The following A1CF variants were observed in gnomAD, a reference collection of about 807,000 sequenced individuals.
The protein encoded by A1CF is APOBEC-1 stimulating protein.
A1CF carries 48 observed loss-of-function variants against 68.9 expected under a neutral mutation model. The observed-to-expected ratio is 0.70, with a 90% CI of 0.55 to 0.89. The LOEUF is 0.89. Ranked by LOEUF, A1CF falls within the 40% of genes least tolerant of loss-of-function variation. The probability of loss-of-function intolerance (pLI) is 0.00; values close to 1 mark genes in which losing one functional copy is unlikely to be tolerated. For synonymous variants in A1CF, 272 were observed against 260.4 expected (o/e 1.04, Z -0.43); for missense variants, 653 against 718.9 (o/e 0.91, Z 1.05).
At chr10:50,810,276 A>C (rs1404050951) in intron 11 of A1CF, among the ~76,000 whole-genome samples, 1 of 152,246 alleles carries the variant, frequency 6.6e-6, no homozygotes, top group Non-Finnish European at 1.5e-5. Flanking sequence ...GTAATTCACT[A>C]CATGGCTTTT....
At chr10:50,861,868 T>C (rs992648607) in intron 2 of A1CF, among the ~76,000 whole-genome samples, 6 of 148,954 alleles carry the variant, frequency 4.0e-5, no homozygotes, top group Admixed American at 2.0e-4. Context: ...AATACTACTA[T>C]TAGTATACTA....
chr10:50,883,314 T>C (rs1233128554), intron 1 of A1CF, among the ~76,000 whole-genome samples: 1 of 152,202 alleles, frequency 6.6e-6, no homozygotes, highest in Non-Finnish European at 1.5e-5. Context: ...CTTCACAAAA[T>C]ACTATGGGTC....
intron 4 of A1CF, among the ~76,000 whole-genome samples, chr10:50,843,065 A>G (rs1461338810): frequency 6.6e-6 from 1 of 152,210 alleles, no homozygotes; most frequent in East Asian, 1.9e-4. Flanking sequence ...ATGTCTGGAG[A>G]GAAGTGCCAT....
chr10:50,870,609 A>G (rs965636637), intron 1 of A1CF, among the ~76,000 whole-genome samples: 1 of 151,862 alleles, frequency 6.6e-6, no homozygotes, highest in Non-Finnish European at 1.5e-5. Context: ...TAAACTAGTA[A>G]TCATAATCTA....
chr10:50,834,390 G>A (rs1839388704), intron 6 of A1CF, among the ~76,000 whole-genome samples: 1 of 152,208 alleles, frequency 6.6e-6, no homozygotes, highest in South Asian at 2.1e-4. Context: ...AATGTCACAA[G>A]TGACGGAGGG....
intron 1 of A1CF, among the ~76,000 whole-genome samples, chr10:50,871,544 A>G (rs1304696129): frequency 6.6e-6 from 1 of 152,030 alleles, no homozygotes; most frequent in Non-Finnish European, 1.5e-5. Context: ...ATGCCACAAC[A>G]TATATTGAAA....
rs1333014523 is a variant in A1CF, at chr10:50,844,071, GT to G, written c.150del (p.Pro52LeufsTer34). 1.7e-5 allele frequency: 28 copies of G among 1,613,132 alleles called. No homozygotes were observed. The highest frequency in any genetic ancestry group is 2.7e-5 in the African/African-American group (2 of 74,828). ...AAAATTTCACAGCCCCTTTCAGGGG[GT>G]GCAGCATCCCAACCAGGTGGAGGGC... Reference protein sequence around the residue: ...YGGPPPGWDAAPPERGCEIFI... With the variant: ...YGGPPPGWDAXPPERGCEIFI... On this transcript the variant is annotated frameshift_variant, in exon 4 of 13. Coordinates refer to ENST00000373997, the MANE Select transcript of A1CF (RefSeq NM_014576.4). LOFTEE classifies it high-confidence loss of function.
chr10:50,832,003 G>A (rs1470125417), intron 6 of A1CF, among the ~76,000 whole-genome samples: 1 of 152,110 alleles, frequency 6.6e-6, no homozygotes, highest in Non-Finnish European at 1.5e-5. Flanking sequence ...AAAACAGTAT[G>A]CAGGTTCCTC....
intron 12 of A1CF, among the ~76,000 whole-genome samples, chr10:50,807,336 G>T (rs1218766758): frequency 5.3e-5 from 8 of 152,180 alleles, no homozygotes; most frequent in African/African-American, 1.7e-4. Flanking sequence ...CTGCCTAAAT[G>T]AAACATTTAA....
chr10:50,848,677 T>C (rs780552465), intron 3 of A1CF, among the ~76,000 whole-genome samples: 20 of 152,178 alleles, frequency 1.3e-4, no homozygotes, highest in Middle Eastern at 3.2e-3. Context: ...TCTTTGTTTC[T>C]TTTTCTCCCC....
At chr10:50,873,617 AC>A (rs1841374394) in intron 1 of A1CF, among the ~76,000 whole-genome samples, 1 of 152,190 alleles carries the variant, frequency 6.6e-6, no homozygotes, top group Admixed American at 6.5e-5. Flanking sequence ...TGTATATTGA[AC>A]TTTTAAGGCA....
At chr10:50,847,976 A>G (rs191326498) in intron 3 of A1CF, among the ~76,000 whole-genome samples, 24 of 152,308 alleles carry the variant, frequency 1.6e-4, no homozygotes, top group African/African-American at 5.8e-4. Flanking sequence ...TTTTATACTT[A>G]GCCAGTCAGA....
At position 50,813,769 on chromosome 10, in the gene A1CF, G is replaced by C. The variant is rs112303942; in HGVS notation, c.1323+88C>G. Reference sequence around the variant, plus strand: ...TAAAAGAAAAAAACCCATAGCTTGAGTAGGGATCAAGTCAAATCATTTGAT... The same window carrying C: ...TAAAAGAAAAAAACCCATAGCTTGACTAGGGATCAAGTCAAATCATTTGAT... On this transcript the variant is annotated intron_variant, in intron 10 of 12. Transcript: ENST00000373997. The C allele has an allele frequency of 6.9e-5, 97 of 1,395,888 alleles. No homozygotes were observed. In the Middle Eastern group the frequency reaches 9.1e-4, roughly 13 times the overall value. 86.5% of individuals were successfully genotyped at this position (1,395,888 alleles called of 1,614,324 possible).
At position 50,841,885 on chromosome 10, in the gene A1CF, C is replaced by T. The variant is rs181537708; in HGVS notation, c.342G>A (p.Lys114=). ...ACCTAATTTCATAATTATTAAGTTG[C>T]TTGATTGCATTCTTGGCTTCCACTT... ...SNKVEAKNAI[K]QLNNYEIRNG... The change falls in exon 5 of 13, where the codon AAG becomes AAA. Residue 114 remains lysine, a synonymous_variant. Coordinates refer to ENST00000373997, the MANE Select transcript of A1CF (RefSeq NM_014576.4). 3.1e-6 allele frequency: 5 copies of T among 1,613,202 alleles called. No individual in the cohort carries two copies. The East Asian group carries it at 1.1e-4, about 36-fold the overall frequency.
chr10:50,883,760 G>A (rs946627762), intron 1 of A1CF, among the ~76,000 whole-genome samples: 1 of 152,172 alleles, frequency 6.6e-6, no homozygotes, highest in Non-Finnish European at 1.5e-5. Flanking sequence ...ATATTTGCAT[G>A]TGTCATGAGT....
At position 50,868,550 on chromosome 10, in the gene A1CF, GA is replaced by G. The variant is rs369235905; in HGVS notation, c.-93-4471del. ...ATCTTAGTTTTTTAAAACAATACTAGAAAAAAAACTAACCAGAACCTCCTCT... is the reference window on the plus strand; with the variant it reads ...ATCTTAGTTTTTTAAAACAATACTAGAAAAAAACTAACCAGAACCTCCTCT... On this transcript the variant is annotated intron_variant, in intron 1 of 12. Transcript: ENST00000373997. Among the ~76,000 whole-genome samples the G allele has an allele frequency of 3.7e-4, 56 of 151,504 alleles. 2 individuals are homozygous for G. In the South Asian group the frequency reaches 9.8e-3, roughly 27 times the overall value.
At chr10:50,842,263 G>A (rs1441558260) in intron 4 of A1CF, among the ~76,000 whole-genome samples, 1 of 152,188 alleles carries the variant, frequency 6.6e-6, no homozygotes, top group Non-Finnish European at 1.5e-5. Flanking sequence ...TGTGTTTTTG[G>A]TAGGGCAAAT....
At chr10:50,866,434 T>C (rs1196441223) in intron 1 of A1CF, among the ~76,000 whole-genome samples, 4 of 152,334 alleles carry the variant, frequency 2.6e-5, no homozygotes, top group Non-Finnish European at 5.9e-5. Context: ...GTCACTTGGC[T>C]GCAGCTGCTC....
chr10:50,839,901 C>T (rs1179147522), intron 5 of A1CF, among the ~76,000 whole-genome samples: 3 of 152,132 alleles, frequency 2.0e-5, no homozygotes, highest in Non-Finnish European at 4.4e-5. Context: ...CGCCACCACG[C>T]CCTGCTAATT....
Sources: gnomAD v4.1 joint callset for allele counts (sites outside exome capture counted in the v4.1 genomes callset) on GRCh38, gnomAD v4.1.1 for gene constraint, MANE v1.5 for transcripts, NCBI Gene and HGNC (gene_info 2026-07-23, HGNC 2026-07-21) for gene names.